The following KRT32 variants were observed in gnomAD, a reference collection of about 807,000 sequenced individuals.
The protein encoded by KRT32 is keratin 32.
Under a neutral mutation model 41.8 loss-of-function variants are expected in KRT32, and 44 were observed. The ratio of observed to expected loss-of-function variants is 1.05; its 90% CI spans 0.83 to 1.35. The LOEUF is 1.35. Ranked by LOEUF, KRT32 falls within the 40% of genes most tolerant of loss-of-function variation. The pLI is 0.00. For synonymous variants in KRT32, 238 were observed against 242.5 expected, an observed-to-expected ratio of 0.98 and a Z score of 0.17; for missense variants, 576 against 584.6, an observed-to-expected ratio of 0.99 and a Z score of 0.15.
In KRT32 at chr17:41,463,080, A is replaced by T. The variant is rs1219389076; in HGVS notation, c.997-30T>A. On this transcript the variant is annotated intron_variant, in intron 5 of 6. Coordinates refer to ENST00000225899, the MANE Select transcript of KRT32 (RefSeq NM_002278.3). ...GGCAAAGGAAGACATAACCATGAGGAAGGGAGCTGTTTACCATGGCCTGCT... is the reference window on the plus strand; with the variant it reads ...GGCAAAGGAAGACATAACCATGAGGTAGGGAGCTGTTTACCATGGCCTGCT... The T allele has an allele frequency of 5.0e-6, 8 of 1,586,386 alleles. No individual in the cohort carries two copies. In the Admixed American group the frequency reaches 5.1e-5, roughly 10 times the overall value.
chr17:41,465,861 T>C lies in KRT32; in HGVS notation c.620A>G (p.Asp207Gly), dbSNP rs745783879. The change falls in exon 3 of 7, where the codon GAT (aspartate) becomes GGT (glycine). Residue 207 changes from aspartate (D) to glycine (G), a missense_variant. By Grantham distance (94) the Asp-to-Gly change is moderately conservative. Transcript: ENST00000225899. The stretch of plus-strand genomic sequence containing the variant: ...GTCAGCCTTGCACAGAGTGAGATCA[T>C]CCAGGATCCTGCGCAGGCCATTGAT... Reference protein sequence around the residue: ...ADINGLRRILDDLTLCKADLE... With the variant: ...ADINGLRRILGDLTLCKADLE... 2 of 1,614,056 alleles carry C rather than the reference T, an allele frequency of 1.2e-6. No homozygotes were observed. The highest frequency in any genetic ancestry group is 2.2e-5 in the South Asian group (2 of 91,082).
chr17:41,462,396 T>C (rs2019009743), intron 6 of KRT32, among the ~76,000 whole-genome samples: 1 of 152,126 alleles, frequency 6.6e-6, no homozygotes, highest in Admixed American at 6.5e-5. Context: ...AGCTATGAGG[T>C]GAGGCTGGGG....
intron 2 of KRT32, 30 bp from the exon 3 acceptor site, chr17:41,465,959 G>A (rs772149700): frequency 8.7e-6 from 14 of 1,606,306 alleles, no homozygotes; most frequent in Non-Finnish European, 1.2e-5. Flanking sequence ...GCAACCAAGG[G>A]TGAAACAGAA....
At chr17:41,466,283 C>G in intron 1 of KRT32, 107 bp from the exon 2 acceptor site, 1 of 839,092 alleles carries the variant, frequency 1.2e-6, no homozygotes. Flanking sequence ...AGCCCTGCAG[C>G]CATCCCTGCA....
chr17:41,462,724 G>T, intron 6 of KRT32, 106 bp downstream of exon 6: 1 of 1,242,964 alleles, frequency 8.0e-7, no homozygotes, highest in Non-Finnish European at 1.1e-6. Context: ...CCATAGTCAG[G>T]ACAGGGTTCT....
rs773259921 is a variant in KRT32, at chr17:41,467,178, C to T, written c.148G>A (p.Val50Ile). 6 of 1,613,888 alleles carry T rather than the reference C, an allele frequency of 3.7e-6. No individual in the cohort carries two copies. In the South Asian group the frequency reaches 4.4e-5, roughly 12 times the overall value. Reference protein sequence around the residue: ...VCQPMACLPSVCLPTTFRPAS... With the variant: ...VCQPMACLPSICLPTTFRPAS... Reference sequence around the variant, plus strand: ...GGCCGGAAGGTGGTGGGCAGGCAGACCGAAGGCAGGCATGCCATGGGCTGG... The same window carrying T: ...GGCCGGAAGGTGGTGGGCAGGCAGATCGAAGGCAGGCATGCCATGGGCTGG... The change falls in exon 1 of 7, where the codon GTC becomes ATC. Residue 50 changes from valine (V) to isoleucine (I), a missense_variant. By Grantham distance (29) the Val-to-Ile change is conservative. Coordinates refer to ENST00000225899, the MANE Select transcript of KRT32 (RefSeq NM_002278.3).
At chr17:41,464,697 T>C (rs1182917538) in intron 3 of KRT32, among the ~76,000 whole-genome samples, 3 of 152,166 alleles carry the variant, frequency 2.0e-5, no homozygotes, top group Non-Finnish European at 4.4e-5. Context: ...CCTGGTTTGT[T>C]TGATGCATTT....
chr17:41,465,870 C>T lies in KRT32; in HGVS notation c.611G>A (p.Arg204Lys). 6.2e-7 allele frequency: 1 copy of T among 1,614,070 alleles called. No homozygotes were observed. Among genetic ancestry groups the T allele is most frequent in the Non-Finnish European group, 8.5e-7 (1 of 1,179,952 alleles). The change falls in exon 3 of 7, where the codon AGG becomes AAG. Residue 204 changes from arginine (R) to lysine (K), a missense_variant. Transcript: ENST00000225899. ...GCACAGAGTGAGATCATCCAGGATC[C>T]TGCGCAGGCCATTGATGTCGGCCTC... ...LVEADINGLR[R>K]ILDDLTLCKA...
In KRT32 at chr17:41,466,132, A is replaced by C; in HGVS notation, c.513T>G (p.Ile171Met). The C allele has an allele frequency of 6.2e-7, 1 of 1,614,170 alleles. No homozygotes were observed. The highest frequency in any genetic ancestry group is 8.5e-7 in the Non-Finnish European group (1 of 1,180,028). ...KAENARMVVN[I>M]DNAKLAADDF... ...CATCGGCAGCCAGTTTGGCATTATCAATGTTCACAACCATCCTGGCATTCT... is the reference window on the plus strand; with the variant it reads ...CATCGGCAGCCAGTTTGGCATTATCCATGTTCACAACCATCCTGGCATTCT... The change falls in exon 2 of 7, where the codon ATT (isoleucine) becomes ATG (methionine). Residue 171 changes from isoleucine to methionine, a missense_variant. Coordinates refer to ENST00000225899, the MANE Select transcript of KRT32 (RefSeq NM_002278.3).
At chr17:41,466,011 AC>A in intron 2 of KRT32, 82 bp from the exon 3 acceptor site, 1 of 1,601,502 alleles carries the variant, frequency 6.2e-7, no homozygotes, top group East Asian at 2.2e-5. Flanking sequence ...GCACTTTCCA[AC>A]CCTCCGTGAA....
intron 5 of KRT32, among the ~76,000 whole-genome samples, chr17:41,463,440 C>T (rs1399796311): frequency 6.6e-6 from 1 of 152,258 alleles, no homozygotes; most frequent in Non-Finnish European, 1.5e-5. Flanking sequence ...CACAGTAGCT[C>T]ATGCCTGTAA....
At chr17:41,466,645 A>G (rs768431608) in intron 1 of KRT32, among the ~76,000 whole-genome samples, 10 of 152,226 alleles carry the variant, frequency 6.6e-5, no homozygotes, top group Non-Finnish European at 1.5e-4. Flanking sequence ...CCCCAAAGTC[A>G]TGCAATGAGG....
chr17:41,467,093 G>T lies in KRT32; in HGVS notation c.233C>A (p.Ser78Tyr). The T allele has an allele frequency of 5.0e-6, 8 of 1,614,224 alleles. No individual in the cohort carries two copies. The highest frequency in any genetic ancestry group is 6.8e-6 in the Non-Finnish European group (8 of 1,180,032). Residue 78 changes from serine to tyrosine, a missense_variant, in exon 1 of 7, where the codon TCC (serine) becomes TAC (tyrosine). Physicochemically the swap from Ser to Tyr is moderately radical, Grantham distance 144 (BLOSUM62 -2). Transcript: ENST00000225899. ...SSSCQAASGI[S>Y]GSMGPGSWYS... Reference sequence around the variant, plus strand: ...CCAGCTGCCGGGGCCCATGGAGCCGGAGATGCCACTGGCTGCCTGGCAGGA... The same window carrying T: ...CCAGCTGCCGGGGCCCATGGAGCCGTAGATGCCACTGGCTGCCTGGCAGGA...
chr17:41,463,668 C>T (rs1375764928), intron 5 of KRT32, among the ~76,000 whole-genome samples: 6 of 151,488 alleles, frequency 4.0e-5, no homozygotes, highest in Admixed American at 3.9e-4. Flanking sequence ...GATCATGCCA[C>T]TGCTCTCCAG....
chr17:41,461,205 T>G (rs1169915602), intron 6 of KRT32, among the ~76,000 whole-genome samples: 1 of 152,226 alleles, frequency 6.6e-6, no homozygotes, highest in Non-Finnish European at 1.5e-5. Context: ...AATCATTCTA[T>G]TATGGTCTGT....
chr17:41,462,739 T>C, intron 6 of KRT32, 91 bp downstream of exon 6: 4 of 1,387,436 alleles, frequency 2.9e-6, no homozygotes, highest in East Asian at 2.3e-5. Flanking sequence ...GGTTCTAAGC[T>C]GATGGTCCCT....
rs147934185 is a variant in KRT32 at position 41,461,132 on chromosome 17, C to T, written c.1218-893G>A. Among the ~76,000 whole-genome samples the T allele has an allele frequency of 4.1e-3, 628 of 152,282 alleles. 4 individuals are homozygous for T. The highest frequency in any genetic ancestry group is 0.015 in the African/African-American group (608 of 41,538). Reference sequence around the variant, plus strand: ...CTCAACTCTCACGTCCTCCTTGAAGCCTCCCCCACCTCTCTGAGACAAAGC... The same window carrying T: ...CTCAACTCTCACGTCCTCCTTGAAGTCTCCCCCACCTCTCTGAGACAAAGC... On this transcript the variant is annotated intron_variant, in intron 6 of 6. Coordinates refer to ENST00000225899, the MANE Select transcript of KRT32 (RefSeq NM_002278.3).
intron 6 of KRT32, among the ~76,000 whole-genome samples, chr17:41,462,442 A>G (rs756623765): frequency 3.9e-5 from 6 of 152,192 alleles, no homozygotes; most frequent in Admixed American, 3.3e-4. Context: ...GGTACTATTA[A>G]TAAAGCTGCT....
Position 41,460,177 on chromosome 17 carries a change from G to T in KRT32, c.1280C>A (p.Pro427His), listed in dbSNP as rs117083040. 2.5e-6 allele frequency: 4 copies of T among 1,613,298 alleles called. No individual in the cohort carries two copies. In the South Asian group the frequency reaches 3.3e-5, roughly 13 times the overall value. The change falls in exon 7 of 7, where the codon CCC becomes CAC. Residue 427 changes from proline (P) to histidine (H), a missense_variant. Pro to His is a moderately conservative substitution (Grantham distance 77). Coordinates refer to ENST00000225899, the MANE Select transcript of KRT32 (RefSeq NM_002278.3). The stretch of plus-strand genomic sequence containing the variant: ...AGTGCGTGGCACACAGACGGTGCGG[G>T]GCACGCATGGGGAGGGCACACAGGT... The part of the protein sequence containing the change: ...CTTCVPSPCV[P>H]RTVCVPRTVG...
Sources: gnomAD v4.1 joint callset for allele counts (sites outside exome capture counted in the v4.1 genomes callset) on GRCh38, gnomAD v4.1.1 for gene constraint, MANE v1.5 for transcripts, NCBI Gene and HGNC (gene_info 2026-07-23, HGNC 2026-07-21) for gene names.